ASTN2: variants seen among roughly 807,000 people sequenced by gnomAD.
ASTN2 encodes astrotactin 2.
ASTN2 carries 54 observed loss-of-function variants against 139.8 expected under a neutral mutation model. The ratio of observed to expected loss-of-function variants is 0.39; its 90% CI spans 0.31 to 0.48. ASTN2 has a LOEUF of 0.48. ASTN2 is among the 20% of genes least tolerant of loss of function. ASTN2 has a pLI of 0.95. For synonymous variants in ASTN2, 756 were observed against 719.5 expected, an observed-to-expected ratio of 1.05 and a Z score of -0.81; for missense variants, 1,565 against 1,725.1, an observed-to-expected ratio of 0.91 and a Z score of 1.64.
At chr9:116,687,066 T>A in intron 16 of ASTN2, 1 of 1,271,972 alleles carries the variant, frequency 7.9e-7, no homozygotes, top group Non-Finnish European at 1.0e-6. Flanking sequence ...CCTGACTTAC[T>A]GAGTGAACTT....
At chr9:117,043,465 T>C (rs1196205348) in intron 5 of ASTN2, among the ~76,000 whole-genome samples, 1 of 152,044 alleles carries the variant, frequency 6.6e-6, no homozygotes, top group Non-Finnish European at 1.5e-5. Context: ...AGAAATACAC[T>C]ACCCCGGCTC....
In ASTN2 at chr9:116,568,196, C is replaced by CA. The variant is rs548033789; in HGVS notation, c.3355+50127dup. On this transcript the variant is annotated intron_variant, in intron 19 of 22. Coordinates refer to ENST00000313400, the MANE Select transcript of ASTN2 (RefSeq NM_001365068.1). ...CCAGGATATTAGAAAATGTATAATG[C>CA]AAAAAAAATTAAGAAATGATTCTGA... Among the ~76,000 whole-genome samples, 560 of 151,572 alleles carry CA rather than the reference C, an allele frequency of 3.7e-3. 3 individuals carry two copies. Among genetic ancestry groups the CA allele is most frequent in the Non-Finnish European group, 6.6e-3 (449 of 67,852 alleles).
At chr9:116,780,784 T>C (rs1588287390) in intron 13 of ASTN2, among the ~76,000 whole-genome samples, 1 of 152,110 alleles carries the variant, frequency 6.6e-6, no homozygotes, top group South Asian at 2.1e-4. Flanking sequence ...GGGCCTGTCA[T>C]AGCATAGTTG....
In ASTN2 at chr9:117,158,784, A is replaced by G. The variant is rs141298450; in HGVS notation, c.1016-17306T>C. On this transcript the variant is annotated intron_variant, in intron 3 of 22. Coordinates refer to ENST00000313400, the MANE Select transcript of ASTN2 (RefSeq NM_001365068.1). ...GTAAACAAAATTTATGCAAATATTT[A>G]CACTGTCCTATTAAATTTGCTTATC... is the stretch of plus-strand genomic sequence containing the variant. Among the ~76,000 whole-genome samples the G allele has an allele frequency of 8.7e-3, 1,320 of 152,118 alleles. 16 individuals are homozygous for G. The highest frequency in any genetic ancestry group is 0.03 in the African/African-American group (1,266 of 41,516).
chr9:116,425,674 C>A lies in ASTN2; in HGVS notation c.*177G>T, dbSNP rs770752992. ...GAAAAATGAATAATTCCATTGGTTA[C>A]AAAGGTCTCTGTCCACTATCCACAG... On this transcript the variant is annotated 3_prime_UTR_variant, in exon 23 of 23. Coordinates refer to ENST00000313400, the MANE Select transcript of ASTN2 (RefSeq NM_001365068.1). The A allele has an allele frequency of 1.3e-5, 21 of 1,609,076 alleles. No homozygotes were observed. The African/African-American group carries it at 1.3e-4, about 10-fold the overall frequency.
chr9:116,761,432 G>C (rs1480307454), intron 13 of ASTN2, among the ~76,000 whole-genome samples: 1 of 152,210 alleles, frequency 6.6e-6, no homozygotes, highest in Non-Finnish European at 1.5e-5. Flanking sequence ...CGCAGAGTAG[G>C]AAGGATCACT....
At chr9:116,583,206 T>G (rs1463082893) in intron 19 of ASTN2, 2 of 152,178 alleles carry the variant, frequency 1.3e-5, no homozygotes, top group Non-Finnish European at 1.5e-5. Flanking sequence ...ATAAAGTGAT[T>G]TGTCTAATTA....
At chr9:116,511,466 T>C (rs1161377918) in intron 19 of ASTN2, among the ~76,000 whole-genome samples, 1 of 152,178 alleles carries the variant, frequency 6.6e-6, no homozygotes, top group Non-Finnish European at 1.5e-5. Context: ...AAAATTATCA[T>C]TTTTTGTTGT....
chr9:117,084,472 C>T (rs1214082879), intron 5 of ASTN2, among the ~76,000 whole-genome samples: 2 of 152,224 alleles, frequency 1.3e-5, no homozygotes, highest in African/African-American at 4.8e-5. Flanking sequence ...TTGGAGCCAA[C>T]CGAAACCCAA....
chr9:116,738,683 A>T (rs1292945415), intron 13 of ASTN2, among the ~76,000 whole-genome samples: 2 of 152,220 alleles, frequency 1.3e-5, no homozygotes, highest in Non-Finnish European at 2.9e-5. Flanking sequence ...TACTATCATT[A>T]TTCCCACTTT....
intron 1 of ASTN2, among the ~76,000 whole-genome samples, chr9:117,346,010 C>CA (rs35773511): frequency 0.038 from 3,467 of 92,118 alleles, 75 homozygotes; most frequent in African/African-American, 0.062. Flanking sequence ...AACTAAGAGG[C>CA]AAAAAAAAAA....
intron 1 of ASTN2, among the ~76,000 whole-genome samples, chr9:117,387,885 A>G (rs970256408): frequency 3.9e-5 from 6 of 152,152 alleles, no homozygotes; most frequent in African/African-American, 1.4e-4. Context: ...GTCTTTATAG[A>G]GCCCTTGATT....
intron 13 of ASTN2, among the ~76,000 whole-genome samples, chr9:116,743,041 G>C (rs1247437647): frequency 6.6e-6 from 1 of 152,078 alleles, no homozygotes; most frequent in Non-Finnish European, 1.5e-5. Flanking sequence ...GCAAATACCA[G>C]CAAGGATCCA....
intron 13 of ASTN2, among the ~76,000 whole-genome samples, chr9:116,750,433 C>T (rs1829366096): frequency 6.6e-6 from 1 of 152,136 alleles, no homozygotes; most frequent in African/African-American, 2.4e-5. Context: ...CTTTCCCACT[C>T]TCCCTGGGGC....
intron 11 of ASTN2, among the ~76,000 whole-genome samples, chr9:116,840,444 T>C (rs1240020361): frequency 6.8e-6 from 1 of 147,048 alleles, no homozygotes; most frequent in Non-Finnish European, 1.5e-5. Flanking sequence ...CACTTCCCAG[T>C]AGGCGCGGCC....
chr9:117,170,399 C>T (rs1048334557), intron 3 of ASTN2, among the ~76,000 whole-genome samples: 1 of 152,010 alleles, frequency 6.6e-6, no homozygotes, highest in African/African-American at 2.4e-5. Context: ...TGATTGAGCA[C>T]CTGCTAGGTG....
chr9:117,074,382 G>A (rs75719040), intron 5 of ASTN2, among the ~76,000 whole-genome samples: 4,270 of 152,282 alleles, frequency 0.028, 75 homozygotes, highest in Non-Finnish European at 0.041. Context: ...ATCAGGGAAA[G>A]CTTCAGAAAG....
chr9:117,385,933 C>T (rs537831516), intron 1 of ASTN2, among the ~76,000 whole-genome samples: 1 of 152,016 alleles, frequency 6.6e-6, no homozygotes, highest in South Asian at 2.1e-4. Flanking sequence ...GCCCAGGAAG[C>T]TTTGGGGCCA....
At chr9:116,877,694 G>C (rs979959934) in intron 10 of ASTN2, among the ~76,000 whole-genome samples, 3 of 152,092 alleles carry the variant, frequency 2.0e-5, no homozygotes, top group Non-Finnish European at 4.4e-5. Context: ...CACCCAGGCT[G>C]TCCCCAGGAG....
Sources: gnomAD v4.1 joint callset for allele counts (sites outside exome capture counted in the v4.1 genomes callset) on GRCh38, gnomAD v4.1.1 for gene constraint, MANE v1.5 for transcripts, NCBI Gene and HGNC (gene_info 2026-07-23, HGNC 2026-07-21) for gene names.